The following PXDNL variants were observed in gnomAD, a reference collection of about 807,000 sequenced individuals.
PXDNL encodes the protein peroxidasin like, also known as probable oxidoreductase PXDNL.
In PXDNL, 145 loss-of-function variants were observed where a neutral mutation model predicts 150.8. The observed-to-expected ratio is 0.96, with a 90% CI of 0.84 to 1.10. PXDNL has a LOEUF of 1.10. Ranked by LOEUF, PXDNL falls within the 50% of genes least tolerant of loss-of-function variation. The probability of loss-of-function intolerance (pLI) is 0.00; values close to 1 mark genes in which losing one functional copy is unlikely to be tolerated. For missense variants in PXDNL, 2,087 were observed against 1,873.9 expected (o/e 1.11, Z -2.10); for synonymous variants, 757 against 725.7 (o/e 1.04, Z -0.69).
chr8:51,504,445 A>G (rs191515680), intron 4 of PXDNL, among the ~76,000 whole-genome samples: 3 of 152,172 alleles, frequency 2.0e-5, no homozygotes, highest in East Asian at 3.9e-4. Flanking sequence ...CAGTCTCTGA[A>G]TGATTGTCTT....
chr8:51,457,614 G>T lies in PXDNL; in HGVS notation c.866C>A (p.Thr289Lys). 6.2e-7 allele frequency: 1 copy of T among 1,613,786 alleles called. No homozygotes were observed. The highest frequency in any genetic ancestry group is 8.5e-7 in the Non-Finnish European group (1 of 1,179,798). ...CTCTCTGGTGTTTCGGATCATGAGTGTGCCATCATCAAACACATTAAGTCG... is the reference window on the plus strand; with the variant it reads ...CTCTCTGGTGTTTCGGATCATGAGTTTGCCATCATCAAACACATTAAGTCG... Reference protein sequence around the residue: ...DTRLNVFDDGTLMIRNTRESD... With the variant: ...DTRLNVFDDGKLMIRNTRESD... Residue 289 changes from threonine (T) to lysine (K), a missense_variant, in exon 9 of 23, where the codon ACA (threonine) becomes AAA (lysine). Physicochemically the swap from Thr to Lys is moderately conservative, Grantham distance 78. Coordinates refer to ENST00000356297, the MANE Select transcript of PXDNL (RefSeq NM_144651.5).
At chr8:51,712,108 C>T (rs977221186) in intron 1 of PXDNL, among the ~76,000 whole-genome samples, 2 of 152,000 alleles carry the variant, frequency 1.3e-5, no homozygotes, top group Admixed American at 1.3e-4. Context: ...GACAAGGAAG[C>T]AATTATGAGG....
chr8:51,655,238 G>A (rs1246213840), intron 1 of PXDNL, among the ~76,000 whole-genome samples: 5 of 152,130 alleles, frequency 3.3e-5, no homozygotes, highest in Non-Finnish European at 7.4e-5. Flanking sequence ...CTTCTACAAA[G>A]TATTAAATCA....
intron 1 of PXDNL, among the ~76,000 whole-genome samples, chr8:51,743,286 C>T (rs534245366): frequency 2.0e-5 from 3 of 152,276 alleles, no homozygotes; most frequent in Non-Finnish European, 2.9e-5. Context: ...GGCATGATCT[C>T]GGCTCACTGT....
At chr8:51,403,978 G>A (rs1808353223) in intron 17 of PXDNL, among the ~76,000 whole-genome samples, 1 of 152,170 alleles carries the variant, frequency 6.6e-6, no homozygotes, top group South Asian at 2.1e-4. Flanking sequence ...TGGTCTCACT[G>A]GCTTCAAGAG....
rs569204823 is a variant in PXDNL at position 51,728,948 on chromosome 8, A to C, written c.165-74188T>G. Among the ~76,000 whole-genome samples, 119 of 152,302 alleles carry C rather than the reference A, an allele frequency of 7.8e-4. 2 individuals carry two copies. In the South Asian group the frequency reaches 0.024, roughly 30 times the overall value. On this transcript the variant is annotated intron_variant, in intron 1 of 22. Transcript: ENST00000356297. Reference sequence around the variant, plus strand: ...GCTCCATTCATGGTATGTGCCCTACATAGGTGTACCAGTTTTTGCCTTTTA... The same window carrying C: ...GCTCCATTCATGGTATGTGCCCTACCTAGGTGTACCAGTTTTTGCCTTTTA...
At chr8:51,377,345 G>A (rs1807355473) in intron 17 of PXDNL, among the ~76,000 whole-genome samples, 1 of 152,070 alleles carries the variant, frequency 6.6e-6, no homozygotes, top group Admixed American at 6.5e-5. Flanking sequence ...GTGACAGCGT[G>A]CTGGCAGCCC....
At chr8:51,325,152 C>T (rs529870523) in intron 21 of PXDNL, among the ~76,000 whole-genome samples, 1 of 152,344 alleles carries the variant, frequency 6.6e-6, no homozygotes, top group East Asian at 1.9e-4. Context: ...GTGTGAGCCA[C>T]TGCACCCAGC....
chr8:51,420,507 C>T (rs1199467066), intron 14 of PXDNL, among the ~76,000 whole-genome samples: 1 of 152,020 alleles, frequency 6.6e-6, no homozygotes, highest in Non-Finnish European at 1.5e-5. Context: ...AATTACTTTT[C>T]CCTCATATTG....
chr8:51,748,049 G>A (rs1268791223), intron 1 of PXDNL, among the ~76,000 whole-genome samples: 1 of 152,128 alleles, frequency 6.6e-6, no homozygotes, highest in African/African-American at 2.4e-5. Flanking sequence ...TTAATATATT[G>A]AGAATGATTA....
chr8:51,601,481 TTTGTCTTCA>T (rs1813720127), intron 2 of PXDNL, among the ~76,000 whole-genome samples: 1 of 152,052 alleles, frequency 6.6e-6, no homozygotes, highest in Admixed American at 6.6e-5. Context: ...AATGCCCTTC[TTTGTCTTCA>T]TTTTACTGTT....
chr8:51,362,571 C>T (rs74808801), intron 19 of PXDNL, among the ~76,000 whole-genome samples: 1,811 of 152,226 alleles, frequency 0.012, 42 homozygotes, highest in African/African-American at 0.041. Flanking sequence ...TGAACTTTTA[C>T]TTCCACTACT....
chr8:51,430,166 A>T (rs1320717906), intron 12 of PXDNL, among the ~76,000 whole-genome samples: 1 of 152,144 alleles, frequency 6.6e-6, no homozygotes, highest in East Asian at 1.9e-4. Context: ...ATATTTTGGA[A>T]ATATCTAACA....
chr8:51,648,634 C>A (rs1410118242), intron 2 of PXDNL, among the ~76,000 whole-genome samples: 1 of 152,170 alleles, frequency 6.6e-6, no homozygotes, highest in Non-Finnish European at 1.5e-5. Context: ...TTTTTTAAAG[C>A]AGCCCTAGAA....
rs548181539 is a variant in PXDNL at position 51,600,758 on chromosome 8, A to G, written c.237-8060T>C. Among the ~76,000 whole-genome samples the G allele has an allele frequency of 5.4e-3, 681 of 125,006 alleles. 13 individuals carry two copies. The highest frequency in any genetic ancestry group is 0.021 in the African/African-American group (637 of 30,602). The allele number at this position is 125,006 out of a possible 152,430, so 82.0% of individuals were successfully genotyped here. A position where few individuals can be genotyped will look rare whatever the true frequency, so the allele number is the denominator to read the frequency against. On this transcript the variant is annotated intron_variant, in intron 2 of 22. Coordinates refer to ENST00000356297, the MANE Select transcript of PXDNL (RefSeq NM_144651.5). ...CTTATATAAATTATATAGTTTAGAT[A>G]ATAAATTACATCTTATATAAATTAT... is the stretch of plus-strand genomic sequence containing the variant.
At chr8:51,709,372 A>G (rs2956883) in intron 1 of PXDNL, among the ~76,000 whole-genome samples, 4,321 of 151,862 alleles carry the variant, frequency 0.028, 207 homozygotes, top group African/African-American at 0.098. Flanking sequence ...CTCCCGCCTC[A>G]GCCTCCCAAG....
intron 2 of PXDNL, among the ~76,000 whole-genome samples, chr8:51,603,810 G>A (rs1686027539): frequency 6.6e-6 from 1 of 152,068 alleles, no homozygotes. Flanking sequence ...TTTCAGACTA[G>A]TCAGGTTGGA....
chr8:51,774,721 G>C (rs957606338), intron 1 of PXDNL, among the ~76,000 whole-genome samples: 1 of 152,126 alleles, frequency 6.6e-6, no homozygotes, highest in Non-Finnish European at 1.5e-5. Context: ...GGGAGGCTGA[G>C]GCAGGAGAAT....
intron 3 of PXDNL, among the ~76,000 whole-genome samples, chr8:51,571,313 C>G (rs1363458391): frequency 6.6e-6 from 1 of 151,764 alleles, no homozygotes. Flanking sequence ...TGCCAGTGAG[C>G]TCCAAGAATA....
Sources: gnomAD v4.1 joint callset for allele counts (sites outside exome capture counted in the v4.1 genomes callset) on GRCh38, gnomAD v4.1.1 for gene constraint, MANE v1.5 for transcripts, NCBI Gene and HGNC (gene_info 2026-07-23, HGNC 2026-07-21) for gene names.